ATOX1: variants seen among roughly 807,000 people sequenced by gnomAD.
ATOX1 encodes antioxidant 1 copper chaperone, also known as copper transport protein ATOX1.
Under a neutral mutation model 7.3 loss-of-function variants are expected in ATOX1, and 4 were observed. The ratio of observed to expected loss-of-function variants is 0.55; its 90% CI spans 0.27 to 1.25. The LOEUF is 1.25. Ranked by LOEUF, ATOX1 falls within the 50% of genes most tolerant of loss-of-function variation. ATOX1 has a pLI of 0.12. For missense variants in ATOX1, 68 were observed against 81.6 expected, an observed-to-expected ratio of 0.83 and a Z score of 0.64; for synonymous variants, 25 against 28.7, an observed-to-expected ratio of 0.87 and a Z score of 0.41.
At chr5:151,754,980 CAA>C (rs79359321) in intron 1 of ATOX1, among the ~76,000 whole-genome samples, 13 of 48,876 alleles carry the variant, frequency 2.7e-4, no homozygotes, top group African/African-American at 5.8e-4. Context: ...AGACACCGTC[CAA>C]AAAAAAAAAA....
At chr5:151,748,310 G>A (rs866014639) in intron 2 of ATOX1, among the ~76,000 whole-genome samples, 3 of 152,006 alleles carry the variant, frequency 2.0e-5, no homozygotes, top group African/African-American at 4.8e-5. Flanking sequence ...GTGGGAGGAG[G>A]GTCCTGCTTC....
At chr5:151,743,501 C>G (rs114422307) in intron 3 of ATOX1, 1 of 152,188 alleles carries the variant, frequency 6.6e-6, no homozygotes, top group Non-Finnish European at 1.5e-5. Context: ...TTGGGTGATT[C>G]TTACTGAGTA....
At chr5:151,743,573 G>A (rs1310016774) in intron 3 of ATOX1, 2 of 152,164 alleles carry the variant, frequency 1.3e-5, no homozygotes, top group Non-Finnish European at 2.9e-5. Context: ...ATATGTACAG[G>A]TAAGATTGCA....
chr5:151,742,989 A>C (rs1761839136), intron 3 of ATOX1, 30 bp from the exon 4 acceptor site: 1 of 152,366 alleles, frequency 6.6e-6, no homozygotes, highest in Non-Finnish European at 1.5e-5. Flanking sequence ...AGATGGAACA[A>C]AGGTGCCATC....
At chr5:151,746,672 T>G (rs1761883161) in intron 2 of ATOX1, 2 of 473,360 alleles carry the variant, frequency 4.2e-6, no homozygotes, top group Admixed American at 7.0e-5. Flanking sequence ...TTTTTATAAC[T>G]CTATTCCTGA....
chr5:151,746,443 T>C lies in ATOX1; in HGVS notation c.89A>G (p.Lys30Arg). 6.2e-7 allele frequency: 1 copy of C among 1,613,804 alleles called. No homozygotes were observed. The highest frequency in any genetic ancestry group is 8.5e-7 in the Non-Finnish European group (1 of 1,179,726). ...CTTGTTGGGCAGGTCAATGTCATAC[T>C]TAACTCCTGCAGGAAGAGGAAATGG... ...SRVLNKLGGV[K>R]YDIDLPNKKV... The change falls in exon 3 of 4, where the codon AAG (lysine) becomes AGG (arginine). Residue 30 changes from lysine to arginine, a missense_variant. Lys to Arg is a conservative substitution (Grantham distance 26). Coordinates refer to ENST00000313115, the MANE Select transcript of ATOX1 (RefSeq NM_004045.4).
intron 1 of ATOX1, chr5:151,753,866 C>T (rs1303690771): frequency 6.6e-6 from 1 of 152,162 alleles, no homozygotes; most frequent in Admixed American, 6.5e-5. Context: ...AGTCTCTAAA[C>T]ACCGCTGAGT....
chr5:151,755,591 C>G (rs1458593489), intron 1 of ATOX1, among the ~76,000 whole-genome samples: 2 of 152,166 alleles, frequency 1.3e-5, no homozygotes, highest in East Asian at 3.8e-4. Flanking sequence ...TCAACAGATA[C>G]CTGAAACTTT....
chr5:151,758,326 C>G (rs1022728927), intron 1 of ATOX1, among the ~76,000 whole-genome samples: 3 of 152,254 alleles, frequency 2.0e-5, no homozygotes, highest in Non-Finnish European at 4.4e-5. Flanking sequence ...GGCCTTCCAG[C>G]TCCGACGTTT....
At chr5:151,751,851 C>T in intron 1 of ATOX1, 72 bp from the exon 2 acceptor site, 2 of 1,462,960 alleles carry the variant, frequency 1.4e-6, no homozygotes, top group Non-Finnish European at 1.9e-6. Context: ...GCAGACAGGC[C>T]CACTCAGGGT....
chr5:151,747,125 G>A (rs1323714421), intron 2 of ATOX1, among the ~76,000 whole-genome samples: 2 of 149,830 alleles, frequency 1.3e-5, no homozygotes, highest in Non-Finnish European at 3.0e-5. Flanking sequence ...GAAGCAGTAA[G>A]GCCCCCTACT....
In ATOX1 at chr5:151,750,875, A is replaced by T. The variant is rs566407044; in HGVS notation, c.82+829T>A. 2.6e-5 allele frequency among the ~76,000 whole-genome samples: 4 copies of T among 150,986 alleles called. No homozygotes were observed. The South Asian group carries it at 8.4e-4, about 32-fold the overall frequency. The stretch of plus-strand genomic sequence containing the variant: ...CATGTTGCCCAGGCTGGTCTCGGGA[A>T]CTCCTGAGCTCAGGCAATCTGCCCG... On this transcript the variant is annotated intron_variant, in intron 2 of 3. Transcript: ENST00000313115.
chr5:151,746,825 C>A (rs1283068353), intron 2 of ATOX1, among the ~76,000 whole-genome samples: 1 of 152,156 alleles, frequency 6.6e-6, no homozygotes, highest in African/African-American at 2.4e-5. Context: ...CCTCCACCTC[C>A]TGGGTTCAAG....
At chr5:151,752,917 G>A (rs909787268) in intron 1 of ATOX1, among the ~76,000 whole-genome samples, 1 of 152,052 alleles carries the variant, frequency 6.6e-6, no homozygotes, top group Non-Finnish European at 1.5e-5. Flanking sequence ...ATGCCCTTGA[G>A]TAATCCCATT....
chr5:151,754,906 C>T lies in ATOX1; in HGVS notation c.7-3127G>A, dbSNP rs553069538. Among the ~76,000 whole-genome samples the T allele has an allele frequency of 4.0e-5, 6 of 150,938 alleles. 1 individual carries two copies. The South Asian group carries it at 1.3e-3, about 32-fold the overall frequency. On this transcript the variant is annotated intron_variant, in intron 1 of 3. Coordinates refer to ENST00000313115, the MANE Select transcript of ATOX1 (RefSeq NM_004045.4). ...GGCTGAGGCAGGAGAATCGCTTGAC[C>T]CAGGAGGCGGAGGTTGCAGTGAGCC... is the stretch of plus-strand genomic sequence containing the variant.
At position 151,758,572 on chromosome 5, in the gene ATOX1, G is replaced by GGCGGCGGTGTGGCGGCGGTGTC. The variant is rs1762044708; in HGVS notation, c.-43_-22dup. The GGCGGCGGTGTGGCGGCGGTGTC allele has an allele frequency of 8.5e-6, 12 of 1,418,772 alleles. No individual in the cohort carries two copies. Among genetic ancestry groups the GGCGGCGGTGTGGCGGCGGTGTC allele is most frequent in the Non-Finnish European group, 9.3e-6 (10 of 1,080,526 alleles). 87.9% of individuals were successfully genotyped at this position (1,418,772 alleles called of 1,614,324 possible). On this transcript the variant is annotated 5_prime_UTR_variant, in exon 1 of 4. Transcript: ENST00000313115. ...GGCATGACTGAGGCAGCGGCGGTGT[G>GGCGGCGGTGTGGCGGCGGTGTC]GCGGCGGTGTGGCGGCGGTGTCAGC... is the stretch of plus-strand genomic sequence containing the variant.
At chr5:151,748,100 T>C (rs549197200) in intron 2 of ATOX1, among the ~76,000 whole-genome samples, 1 of 152,242 alleles carries the variant, frequency 6.6e-6, no homozygotes, top group Non-Finnish European at 1.5e-5. Context: ...GCAACAGATA[T>C]TTGGCACATT....
chr5:151,756,807 C>T (rs28917174), intron 1 of ATOX1, among the ~76,000 whole-genome samples: 25,598 of 152,152 alleles, frequency 0.17, 2,259 homozygotes, highest in African/African-American at 0.22. Context: ...ACCTGTCCTA[C>T]GTCTACACAG....
intron 1 of ATOX1, among the ~76,000 whole-genome samples, chr5:151,756,296 A>G (rs1342826905): frequency 2.0e-5 from 3 of 151,948 alleles, no homozygotes. Context: ...GTTAGTTCAC[A>G]CACTCACGGT....
Sources: gnomAD v4.1 joint callset for allele counts (sites outside exome capture counted in the v4.1 genomes callset) on GRCh38, gnomAD v4.1.1 for gene constraint, MANE v1.5 for transcripts, NCBI Gene and HGNC (gene_info 2026-07-23, HGNC 2026-07-21) for gene names.